Variants in SCGB2B2 observed in about 807,000 individuals in gnomAD.
SCGB2B2 encodes the protein secretoglobin-like protein.
A neutral mutation model predicts 7.6 loss-of-function variants in SCGB2B2; 11 were observed. That is an observed-to-expected ratio of 1.45 (90% CI 0.91 to 2.40). The LOEUF (loss-of-function observed/expected upper bound fraction) is 2.40, where lower values mean the gene tolerates loss of function less well. Among genes scored for constraint, SCGB2B2 ranks in the 30% most tolerant of loss-of-function variants. The probability of loss-of-function intolerance (pLI) is 0.00; values close to 1 mark genes in which losing one functional copy is unlikely to be tolerated. For synonymous variants in SCGB2B2, 50 were observed against 48.6 expected, an observed-to-expected ratio of 1.03 and a Z score of -0.12; for missense variants, 104 against 115.4, an observed-to-expected ratio of 0.90 and a Z score of 0.45.
intron 1 of SCGB2B2, chr19:34,633,095 G>A (rs936681842): frequency 3.9e-5 from 6 of 152,296 alleles, no homozygotes; most frequent in African/African-American, 1.4e-4. Flanking sequence ...TGTGGCCTAT[G>A]TTTTCCCCTT....
chr19:34,600,910 CG>C (rs2065604174), intron 1 of SCGB2B2, among the ~76,000 whole-genome samples: 1 of 111,072 alleles, frequency 9.0e-6, no homozygotes, highest in Non-Finnish European at 1.8e-5. Flanking sequence ...TATTTCTGCT[CG>C]GGGTGTGGTG....
intron 1 of SCGB2B2, among the ~76,000 whole-genome samples, chr19:34,656,743 C>T (rs746222064): frequency 3.5e-4 from 53 of 151,272 alleles, no homozygotes; most frequent in Non-Finnish European, 6.0e-4. Flanking sequence ...AGAATCTGAA[C>T]GAAGGGTAAC....
At chr19:34,599,676 A>C (rs1017923752) in intron 1 of SCGB2B2, among the ~76,000 whole-genome samples, 3 of 152,080 alleles carry the variant, frequency 2.0e-5, no homozygotes, top group African/African-American at 7.2e-5. Context: ...TTGGGTGGGG[A>C]CACGGAGCCA....
chr19:34,600,472 C>T (rs2065592218), intron 1 of SCGB2B2, among the ~76,000 whole-genome samples: 1 of 152,166 alleles, frequency 6.6e-6, no homozygotes, highest in Non-Finnish European at 1.5e-5. Flanking sequence ...AAACAGGAAA[C>T]CTTGAAAGCA....
In SCGB2B2 at chr19:34,659,003, G is replaced by A. The variant is rs1321554291; in HGVS notation, c.-2032+16627C>T. ...GTTCAACATACACAAATCAATAAAC[G>A]TAATCCATCACATAAACAGAACCAA... On this transcript the variant is annotated intron_variant, in intron 1 of 3. Coordinates refer to ENST00000601241, the MANE Select transcript of SCGB2B2 (RefSeq NM_001025591.4). Among the ~76,000 whole-genome samples, 9 of 151,982 alleles carry A rather than the reference G, an allele frequency of 5.9e-5. No homozygotes were observed. In the East Asian group the frequency reaches 7.7e-4, roughly 13 times the overall value.
intron 1 of SCGB2B2, among the ~76,000 whole-genome samples, chr19:34,613,793 A>T (rs2065998338): frequency 6.6e-6 from 1 of 152,108 alleles, no homozygotes. Flanking sequence ...TTCTTTGAGT[A>T]TTTCTTTTTA....
intron 1 of SCGB2B2, among the ~76,000 whole-genome samples, chr19:34,650,926 C>A (rs1049366867): frequency 1.3e-5 from 2 of 150,000 alleles, no homozygotes; most frequent in Non-Finnish European, 2.9e-5. Flanking sequence ...GGATTCAACC[C>A]AGGGATGCAA....
intron 1 of SCGB2B2, among the ~76,000 whole-genome samples, chr19:34,653,190 C>A (rs868583010): frequency 4.0e-5 from 6 of 151,050 alleles, no homozygotes; most frequent in Admixed American, 1.3e-4. Context: ...ATAATGGTTA[C>A]TTGAGGCAGG....
intron 3 of SCGB2B2, 135 bp from the exon 4 acceptor site, chr19:34,593,734 C>G (rs1376092651): frequency 1.5e-6 from 1 of 687,434 alleles, no homozygotes; most frequent in Non-Finnish European, 2.5e-6. Context: ...AGGCTCTGGA[C>G]AAAGATGGTG....
intron 1 of SCGB2B2, among the ~76,000 whole-genome samples, chr19:34,638,943 A>G (rs1347481976): frequency 6.6e-6 from 1 of 152,218 alleles, no homozygotes; most frequent in African/African-American, 2.4e-5. Context: ...TCTACATCAC[A>G]CAATTCAAAG....
intron 1 of SCGB2B2, among the ~76,000 whole-genome samples, chr19:34,606,903 C>T (rs1028105560): frequency 6.6e-6 from 1 of 152,020 alleles, no homozygotes; most frequent in East Asian, 1.9e-4. Context: ...GAATGTATCC[C>T]CTGCAGATAA....
intron 1 of SCGB2B2, among the ~76,000 whole-genome samples, chr19:34,666,430 T>A (rs974008506): frequency 6.6e-6 from 1 of 152,024 alleles, no homozygotes; most frequent in East Asian, 1.9e-4. Flanking sequence ...CCACATACAA[T>A]GTGACAGGCC....
At chr19:34,637,876 C>G (rs2066730314) in intron 1 of SCGB2B2, 1 of 152,142 alleles carries the variant, frequency 6.6e-6, no homozygotes, top group African/African-American at 2.4e-5. Flanking sequence ...AATGGCATAT[C>G]AGTATGTTCT....
intron 2 of SCGB2B2, 72 bp from the exon 3 acceptor site, chr19:34,594,431 A>G: frequency 6.3e-7 from 1 of 1,590,820 alleles, no homozygotes; most frequent in East Asian, 2.2e-5. Context: ...GGCCAATGAG[A>G]CCTTGGGATG....
At chr19:34,607,451 T>C (rs2065813204) in intron 1 of SCGB2B2, among the ~76,000 whole-genome samples, 1 of 152,224 alleles carries the variant, frequency 6.6e-6, no homozygotes, top group South Asian at 2.1e-4. Context: ...TGTTATTTCC[T>C]TTAGATATAT....
chr19:34,648,033 G>A (rs902410096), intron 1 of SCGB2B2, among the ~76,000 whole-genome samples: 1 of 152,200 alleles, frequency 6.6e-6, no homozygotes, highest in African/African-American at 2.4e-5. Flanking sequence ...ACGTTGGGCT[G>A]GAGCAGCTGG....
chr19:34,595,276 C>T lies in SCGB2B2; in HGVS notation c.-713G>A, dbSNP rs191436915. 1.9e-3 allele frequency: 297 copies of T among 152,636 alleles called. 1 individual carries two copies. Among genetic ancestry groups the T allele is most frequent in the Non-Finnish European group, 3.7e-3 (250 of 68,288 alleles). 9.5% of individuals were successfully genotyped at this position (152,636 alleles called of 1,614,324 possible). ...AAGGTGGGGAGCCAGGGGGCCAGTG[C>T]AAAATGTGGAGGCTGCAAAAGGTGC... On this transcript the variant is annotated 5_prime_UTR_variant, in exon 2 of 4. Transcript: ENST00000601241.
At position 34,593,087 on chromosome 19, in the gene SCGB2B2, T is replaced by A. The variant is rs2065341169; in HGVS notation, c.*468A>T. Among the ~76,000 whole-genome samples the A allele has an allele frequency of 6.6e-6, 1 of 152,026 alleles. No homozygotes were observed. The highest frequency in any genetic ancestry group is 6.5e-5 in the Admixed American group (1 of 15,278). ...CCTCTAACCCTAGCACGTTGGAGGTTGAGGTAGGTGGATCATTTGCGGTCA... is the reference window on the plus strand; with the variant it reads ...CCTCTAACCCTAGCACGTTGGAGGTAGAGGTAGGTGGATCATTTGCGGTCA... On this transcript the variant is annotated 3_prime_UTR_variant, in exon 4 of 4. Coordinates refer to ENST00000601241, the MANE Select transcript of SCGB2B2 (RefSeq NM_001025591.4).
chr19:34,672,605 T>C (rs1345429615), intron 1 of SCGB2B2, among the ~76,000 whole-genome samples: 2 of 152,242 alleles, frequency 1.3e-5, no homozygotes, highest in Non-Finnish European at 2.9e-5. Flanking sequence ...GTGGGATTTA[T>C]AATGAGCTCA....
Sources: allele counts gnomAD v4.1 joint callset (sites outside exome capture counted in the v4.1 genomes callset), GRCh38; gene constraint gnomAD v4.1.1; transcripts MANE v1.5; gene names NCBI Gene and HGNC (gene_info 2026-07-23, HGNC 2026-07-21).